ENTREP2: variants seen among roughly 807,000 people sequenced by gnomAD.
ENTREP2 encodes the protein protein ENTREP2.
chr15:29,477,798 T>C, the ENTREP2 span, among the ~76,000 whole-genome samples: 1 of 151,808 alleles, frequency 6.6e-6, no homozygotes, highest in Non-Finnish European at 1.5e-5. Context: ...GTACTTCACG[T>C]GGGCATGAGC....
chr15:29,518,338 T>C, the ENTREP2 span, among the ~76,000 whole-genome samples: 1 of 152,218 alleles, frequency 6.6e-6, no homozygotes, highest in Admixed American at 6.5e-5. Flanking sequence ...AACTGATACT[T>C]AGTATTTTTA....
chr15:29,277,486 T>C, the ENTREP2 span, among the ~76,000 whole-genome samples: 1 of 152,094 alleles, frequency 6.6e-6, no homozygotes, highest in Non-Finnish European at 1.5e-5. Flanking sequence ...GGGAAGACAA[T>C]GTTTCTATGG....
At chr15:29,516,849 G>A in the ENTREP2 span, among the ~76,000 whole-genome samples, 1 of 151,948 alleles carries the variant, frequency 6.6e-6, no homozygotes, top group Non-Finnish European at 1.5e-5. Context: ...CACAGAGGAG[G>A]GTGGTTCTCT....
At chr15:29,140,037 G>A in the ENTREP2 span, among the ~76,000 whole-genome samples, 14 of 152,296 alleles carry the variant, frequency 9.2e-5, no homozygotes, top group African/African-American at 2.4e-4. Flanking sequence ...AGGGAGCTGC[G>A]GGTTTCCTGC....
chr15:29,506,990 A>G, the ENTREP2 span, among the ~76,000 whole-genome samples: 1 of 152,154 alleles, frequency 6.6e-6, no homozygotes, highest in Non-Finnish European at 1.5e-5. Context: ...AGACCCATCC[A>G]TGTGCTGTAT....
chr15:29,655,637 A>G, the ENTREP2 span, among the ~76,000 whole-genome samples: 1 of 152,216 alleles, frequency 6.6e-6, no homozygotes, highest in African/African-American at 2.4e-5. Context: ...CTTGTGGAAA[A>G]ATTCACAACA....
the ENTREP2 span, among the ~76,000 whole-genome samples, chr15:29,652,391 T>G: frequency 6.6e-6 from 1 of 152,202 alleles, no homozygotes; most frequent in Non-Finnish European, 1.5e-5. Context: ...ACCCTCCACT[T>G]GTCTGCATGC....
At chr15:29,631,154 A>G in the ENTREP2 span, among the ~76,000 whole-genome samples, 2 of 151,888 alleles carry the variant, frequency 1.3e-5, no homozygotes, top group African/African-American at 2.4e-5. Context: ...GAGACTTTCT[A>G]TGTTTACTTG....
At chr15:29,169,278 T>C in the ENTREP2 span, among the ~76,000 whole-genome samples, 2 of 152,068 alleles carry the variant, frequency 1.3e-5, no homozygotes, top group Non-Finnish European at 1.5e-5. Flanking sequence ...CCTAAATTTA[T>C]GGGAATGAAG....
chr15:29,628,899 G>A, the ENTREP2 span, among the ~76,000 whole-genome samples: 16 of 152,170 alleles, frequency 1.1e-4, no homozygotes, highest in South Asian at 2.3e-3. Context: ...ACAAGTGGGC[G>A]CCAACACACC....
the ENTREP2 span, chr15:29,269,283 C>T: frequency 2.5e-6 from 4 of 1,614,206 alleles, no homozygotes; most frequent in Non-Finnish European, 3.4e-6. Context: ...GTTCCACCAG[C>T]TTATACCCGA....
the ENTREP2 span, among the ~76,000 whole-genome samples, chr15:29,150,167 C>T: frequency 6.6e-6 from 1 of 152,274 alleles, no homozygotes; most frequent in East Asian, 1.9e-4. Context: ...AACTGAGGCA[C>T]AGGTAGGTTC....
chr15:29,166,839 C>T, the ENTREP2 span, among the ~76,000 whole-genome samples: 1 of 151,982 alleles, frequency 6.6e-6, no homozygotes, highest in African/African-American at 2.4e-5. Flanking sequence ...TCATATGGAA[C>T]CAAAAAAGAG....
the ENTREP2 span, chr15:29,269,071 T>C: frequency 6.2e-7 from 1 of 1,614,118 alleles, no homozygotes; most frequent in Admixed American, 1.7e-5. Context: ...AATTAAATGC[T>C]TCTTGGTGGG....
chr15:29,672,118 C>T, the ENTREP2 span, among the ~76,000 whole-genome samples: 1 of 152,316 alleles, frequency 6.6e-6, no homozygotes, highest in African/African-American at 2.4e-5. Context: ...TCCCGAGTAG[C>T]TGGGATTACA....
chr15:29,462,037 G>A, the ENTREP2 span, among the ~76,000 whole-genome samples: 1 of 152,204 alleles, frequency 6.6e-6, no homozygotes, highest in Non-Finnish European at 1.5e-5. Flanking sequence ...ATTTCACTCA[G>A]CACCATGTCA....
chr15:29,613,938 G>A, the ENTREP2 span: 1 of 159,218 alleles, frequency 6.3e-6, no homozygotes. Context: ...CACCAGGACT[G>A]CCTTCTTCCA....
the ENTREP2 span, chr15:29,381,678 G>A: frequency 3.1e-6 from 3 of 982,888 alleles, no homozygotes; most frequent in Non-Finnish European, 4.6e-6. Context: ...TGCCTGAAAA[G>A]AAGTTGGAAT....
the ENTREP2 span, among the ~76,000 whole-genome samples, chr15:29,417,658 AAATAAT>A: frequency 2.0e-5 from 3 of 151,692 alleles, no homozygotes; most frequent in African/African-American, 7.3e-5. Flanking sequence ...ATAAAATTTA[AAATAAT>A]AATAATAATA....
Sources: gnomAD v4.1 joint callset for allele counts (sites outside exome capture counted in the v4.1 genomes callset) on GRCh38, gnomAD v4.1.1 for gene constraint, MANE v1.5 for transcripts, NCBI Gene and HGNC (gene_info 2026-07-23, HGNC 2026-07-21) for gene names.